The following LRFN2 variants were observed in gnomAD, a reference collection of about 807,000 sequenced individuals.
The protein encoded by LRFN2 is leucine rich repeat and fibronectin type III domain containing 2, also known as leucine-rich repeat and fibronectin type-III domain-containing protein 2.
In LRFN2, 18 loss-of-function variants were observed where a neutral mutation model predicts 37.3. The observed-to-expected ratio is 0.48, with a 90% confidence interval of 0.33 to 0.72. The LOEUF is 0.72. Ranked by LOEUF, LRFN2 falls within the 30% of genes least tolerant of loss-of-function variation. The probability of loss-of-function intolerance (pLI) is 0.02; values close to 1 mark genes in which losing one functional copy is unlikely to be tolerated. For synonymous variants in LRFN2, 556 were observed against 466.6 expected, an observed-to-expected ratio of 1.19 and a Z score of -2.47; for missense variants, 1,006 against 1,060.7, an observed-to-expected ratio of 0.95 and a Z score of 0.72.
intron 2 of LRFN2, among the ~76,000 whole-genome samples, chr6:40,422,490 C>A (rs1235886328): frequency 6.6e-6 from 1 of 151,422 alleles, no homozygotes; most frequent in African/African-American, 2.4e-5. Context: ...AAAACACAGT[C>A]AGGGTTGGGA....
chr6:40,412,398 C>T (rs1463033195), intron 2 of LRFN2, among the ~76,000 whole-genome samples: 2 of 152,242 alleles, frequency 1.3e-5, no homozygotes, highest in East Asian at 3.9e-4. Flanking sequence ...AAGCGAGGTC[C>T]CACCCCTGCC....
At chr6:40,577,096 T>TCTCTTC (rs1561913878) in intron 1 of LRFN2, among the ~76,000 whole-genome samples, 3 of 137,598 alleles carry the variant, frequency 2.2e-5, no homozygotes, top group Admixed American at 7.5e-5. Context: ...TTCTTTTCTT[T>TCTCTTC]TCTTTTCCTT....
chr6:40,430,080 T>C (rs1424381159), intron 2 of LRFN2, among the ~76,000 whole-genome samples: 1 of 152,206 alleles, frequency 6.6e-6, no homozygotes, highest in Non-Finnish European at 1.5e-5. Context: ...AAAATACATA[T>C]ATGCATATTT....
chr6:40,491,049 G>A (rs1185983633), intron 1 of LRFN2, among the ~76,000 whole-genome samples: 2 of 152,194 alleles, frequency 1.3e-5, no homozygotes, highest in Non-Finnish European at 2.9e-5. Context: ...AAGAGGATAG[G>A]GAAGCCATGG....
chr6:40,432,469 A>G lies in LRFN2; in HGVS notation c.645T>C (p.Asp215=). 1 of 1,614,202 alleles carries G rather than the reference A, an allele frequency of 6.2e-7. No individual in the cohort carries two copies. Among genetic ancestry groups the G allele is most frequent in the South Asian group, 1.1e-5 (1 of 91,078 alleles). Residue 215 remains aspartate, a synonymous_variant, in exon 2 of 3, where the codon GAT becomes GAC. Transcript: ENST00000338305. ...TSNRLQKLPP[D]PIFARSQASA... is the part of the protein sequence containing the mutation. ...AAGCCTGGGAGCGGGCAAAGATGGGATCAGGGGGCAGCTTCTGCAGCCGAT... is the reference window on the plus strand; with the variant it reads ...AAGCCTGGGAGCGGGCAAAGATGGGGTCAGGGGGCAGCTTCTGCAGCCGAT...
At chr6:40,450,631 A>C (rs1210268441) in intron 1 of LRFN2, among the ~76,000 whole-genome samples, 1 of 152,316 alleles carries the variant, frequency 6.6e-6, no homozygotes, top group Admixed American at 6.5e-5. Context: ...CTGGTTATAC[A>C]CGGGCAACAC....
At chr6:40,526,186 A>G (rs559149571) in intron 1 of LRFN2, among the ~76,000 whole-genome samples, 3 of 152,338 alleles carry the variant, frequency 2.0e-5, no homozygotes, top group Non-Finnish European at 2.9e-5. Flanking sequence ...GGCTTCTTTT[A>G]TCAGCTAGCA....
At chr6:40,466,135 A>T (rs1764460520) in intron 1 of LRFN2, among the ~76,000 whole-genome samples, 1 of 152,188 alleles carries the variant, frequency 6.6e-6, no homozygotes, top group African/African-American at 2.4e-5. Context: ...TGGGATAATT[A>T]TCTGCAAGAG....
At chr6:40,581,938 C>A (rs991555225) in intron 1 of LRFN2, among the ~76,000 whole-genome samples, 6 of 152,148 alleles carry the variant, frequency 3.9e-5, no homozygotes, top group African/African-American at 1.4e-4. Flanking sequence ...AGTTGGGGGA[C>A]CCCCTGGCTT....
At chr6:40,557,346 G>A (rs1230481954) in intron 1 of LRFN2, among the ~76,000 whole-genome samples, 1 of 152,198 alleles carries the variant, frequency 6.6e-6, no homozygotes, top group Non-Finnish European at 1.5e-5. Context: ...ACTAGTCAAG[G>A]AAACAGAGCT....
chr6:40,526,498 T>C (rs902896446), intron 1 of LRFN2, among the ~76,000 whole-genome samples: 2 of 152,162 alleles, frequency 1.3e-5, no homozygotes, highest in African/African-American at 4.8e-5. Flanking sequence ...TACCTGTCTT[T>C]AGCACACCAG....
intron 1 of LRFN2, among the ~76,000 whole-genome samples, chr6:40,471,961 G>T (rs1413527885): frequency 6.6e-6 from 1 of 152,140 alleles, no homozygotes; most frequent in East Asian, 1.9e-4. Context: ...TCATGCCCCA[G>T]GTATCCCAAA....
intron 1 of LRFN2, among the ~76,000 whole-genome samples, chr6:40,527,809 T>G (rs777849284): frequency 6.6e-6 from 1 of 152,226 alleles, no homozygotes; most frequent in Non-Finnish European, 1.5e-5. Context: ...AACTACGTGC[T>G]TATGTTCTAA....
intron 1 of LRFN2, among the ~76,000 whole-genome samples, chr6:40,538,263 C>T (rs951263528): frequency 3.9e-5 from 6 of 152,122 alleles, no homozygotes; most frequent in African/African-American, 1.4e-4. Flanking sequence ...TGGGGCTCGG[C>T]GGAGTGATGG....
intron 2 of LRFN2, among the ~76,000 whole-genome samples, chr6:40,411,347 G>A (rs537249177): frequency 1.2e-4 from 19 of 152,310 alleles, no homozygotes; most frequent in South Asian, 6.2e-4. Flanking sequence ...GTGAGTGGCC[G>A]TTGGCCAGTG....
At chr6:40,497,064 T>C (rs907744730) in intron 1 of LRFN2, among the ~76,000 whole-genome samples, 2 of 152,330 alleles carry the variant, frequency 1.3e-5, no homozygotes. Flanking sequence ...GTCCCTCACC[T>C]GGCTCTGCCA....
At chr6:40,405,010 T>G (rs1202057434) in intron 2 of LRFN2, among the ~76,000 whole-genome samples, 1 of 152,182 alleles carries the variant, frequency 6.6e-6, no homozygotes, top group African/African-American at 2.4e-5. Flanking sequence ...TTGGCCCCAC[T>G]GGCAAAGCTG....
chr6:40,440,627 G>C (rs955415685), intron 1 of LRFN2, among the ~76,000 whole-genome samples: 1 of 152,182 alleles, frequency 6.6e-6, no homozygotes, highest in Non-Finnish European at 1.5e-5. Flanking sequence ...GGTATGCTAA[G>C]GAATTATTGC....
intron 1 of LRFN2, among the ~76,000 whole-genome samples, chr6:40,574,407 G>C (rs73732767): frequency 6.6e-6 from 1 of 152,072 alleles, no homozygotes; most frequent in African/African-American, 2.4e-5. Context: ...CTGACTCACT[G>C]TGCTAGAATT....
Sources: allele counts gnomAD v4.1 joint callset (sites outside exome capture counted in the v4.1 genomes callset), GRCh38; gene constraint gnomAD v4.1.1; transcripts MANE v1.5; gene names NCBI Gene and HGNC (gene_info 2026-07-23, HGNC 2026-07-21).